COL4A3: variants seen among roughly 807,000 people sequenced by gnomAD.
COL4A3 encodes the protein collagen type IV alpha 3 chain.
In COL4A3, 135 loss-of-function variants were observed where a neutral mutation model predicts 217.4. That is an observed-to-expected ratio of 0.62 (90% CI 0.54 to 0.72). COL4A3 has a LOEUF of 0.72. Ranked by LOEUF, COL4A3 falls within the 30% of genes least tolerant of loss-of-function variation. The pLI, the probability that COL4A3 is intolerant of heterozygous loss-of-function variation, is 0.00. For missense variants in COL4A3, 1,868 were observed against 2,119.9 expected, an observed-to-expected ratio of 0.88 and a Z score of 2.33; for synonymous variants, 690 against 736.3, an observed-to-expected ratio of 0.94 and a Z score of 1.02.
chr2:227,303,247 G>A (rs553546980), intron 44 of COL4A3, 137 bp downstream of exon 44: 1 of 719,356 alleles, frequency 1.4e-6, no homozygotes, highest in African/African-American at 1.7e-5. Flanking sequence ...AAGTAGGAAG[G>A]CTCCACTACA....
At chr2:227,234,811 A>G (rs567023460) in intron 1 of COL4A3, among the ~76,000 whole-genome samples, 1 of 152,340 alleles carries the variant, frequency 6.6e-6, no homozygotes, top group Admixed American at 6.5e-5. Context: ...CTCTTACTCC[A>G]AGAAATAAAA....
At chr2:227,231,742 G>C (rs193003460) in intron 1 of COL4A3, among the ~76,000 whole-genome samples, 8 of 152,276 alleles carry the variant, frequency 5.3e-5, no homozygotes, top group East Asian at 1.9e-4. Context: ...ATGTTACCCA[G>C]GCTGGTCTCG....
At chr2:227,260,407 G>A (rs959577819) in intron 19 of COL4A3, among the ~76,000 whole-genome samples, 3 of 152,142 alleles carry the variant, frequency 2.0e-5, no homozygotes, top group Non-Finnish European at 4.4e-5. Context: ...TAATGGCCTC[G>A]TCAAGGTCCC....
chr2:227,165,886 T>A (rs777583519), intron 1 of COL4A3, among the ~76,000 whole-genome samples: 5 of 152,176 alleles, frequency 3.3e-5, no homozygotes, highest in Non-Finnish European at 7.3e-5. Context: ...CTCTCCCCAT[T>A]TCCTTGTCTT....
intron 1 of COL4A3, among the ~76,000 whole-genome samples, chr2:227,223,567 C>T (rs942772465): frequency 2.1e-5 from 2 of 96,660 alleles, no homozygotes; most frequent in East Asian, 2.3e-4. Flanking sequence ...GACGCCCCCC[C>T]AACTCTACTA....
intron 1 of COL4A3, chr2:227,220,999 G>A (rs1241539746): frequency 6.6e-6 from 1 of 152,212 alleles, no homozygotes; most frequent in Non-Finnish European, 1.5e-5. Context: ...CAGAAAAGAA[G>A]TCAGATGCTC....
At position 227,269,883 on chromosome 2, in the gene COL4A3, G is replaced by A. The variant is rs1275424835; in HGVS notation, c.1505-27G>A. On this transcript the variant is annotated intron_variant, in intron 23 of 51. Transcript: ENST00000396578. ...ACTTAGAGTTGGCGTTCAATGAGGA[G>A]TTAGTTAATAATTCGTTGATTTGCA... 4.4e-6 allele frequency: 7 copies of A among 1,603,982 alleles called. No individual in the cohort carries two copies. In the African/African-American group the frequency reaches 5.4e-5, roughly 12 times the overall value.
rs1374057361 is a variant in COL4A3, at chr2:227,279,885, G to A, written c.2218G>A (p.Ala740Thr). ...ACCTGGAAAGCCAGGCCTCCCAGGAGCCAAGGTATGCAAAAATTCAAGCTA... is the reference window on the plus strand; with the variant it reads ...ACCTGGAAAGCCAGGCCTCCCAGGAACCAAGGTATGCAAAAATTCAAGCTA... Reference protein sequence around the residue: ...GLPGKPGLPGAKGEPAVAMPG... With the variant: ...GLPGKPGLPGTKGEPAVAMPG... The change falls in exon 29 of 52, where the codon GCC (alanine) becomes ACC (threonine). Residue 740 changes from alanine (A) to threonine (T), a missense_variant. Physicochemically the swap from Ala to Thr is moderately conservative, Grantham distance 58 (BLOSUM62 0). This residue lies in a region of COL4A3 where 1,503 missense variants were observed against 1,786.1 expected (regional missense o/e 0.84). Transcript: ENST00000396578. 1 of 1,601,688 alleles carries A rather than the reference G, an allele frequency of 6.2e-7. No individual in the cohort carries two copies. The highest frequency in any genetic ancestry group is 8.5e-7 in the Non-Finnish European group (1 of 1,173,496).
chr2:227,176,057 A>G (rs920473717), intron 1 of COL4A3, among the ~76,000 whole-genome samples: 10 of 152,202 alleles, frequency 6.6e-5, no homozygotes, highest in African/African-American at 2.4e-4. Flanking sequence ...ACCAGCACAG[A>G]GAAAGATGAA....
rs754325947 is a variant in COL4A3 at position 227,261,077 on chromosome 2, C to G, written c.1115-5C>G. On this transcript the variant is annotated splice_region_variant and splice_polypyrimidine_tract_variant and intron_variant, in intron 19 of 51. Coordinates refer to ENST00000396578, the MANE Select transcript of COL4A3 (RefSeq NM_000091.5). ...AAGCAATTAATTAATGTTATATATT[C>G]CCAGGTCCCAGTGGTCCCCCCGGAG... 16 of 1,610,072 alleles carry G rather than the reference C, an allele frequency of 9.9e-6. No homozygotes were observed. Among genetic ancestry groups the G allele is most frequent in the Non-Finnish European group, 1.4e-5 (16 of 1,176,332 alleles).
chr2:227,219,980 A>C (rs1376793909), intron 1 of COL4A3, among the ~76,000 whole-genome samples: 2 of 152,012 alleles, frequency 1.3e-5, no homozygotes, highest in Non-Finnish European at 2.9e-5. Flanking sequence ...ATTCTGCCCC[A>C]AGATTTCTTC....
At position 227,287,073 on chromosome 2, in the gene COL4A3, G is replaced by A. The variant is rs375132395; in HGVS notation, c.2882-2077G>A. Among the ~76,000 whole-genome samples, 24 of 152,250 alleles carry A rather than the reference G, an allele frequency of 1.6e-4. No homozygotes were observed. In the East Asian group the frequency reaches 3.5e-3, roughly 22 times the overall value. On this transcript the variant is annotated intron_variant, in intron 34 of 51. Transcript: ENST00000396578. ...TTAGGCTAGGTAGTAAGTATCTTACGCTTTGTGGCTCACATATGGTCCCTG... is the reference window on the plus strand; with the variant it reads ...TTAGGCTAGGTAGTAAGTATCTTACACTTTGTGGCTCACATATGGTCCCTG...
At chr2:227,234,856 A>G (rs2068605125) in intron 1 of COL4A3, among the ~76,000 whole-genome samples, 2 of 152,346 alleles carry the variant, frequency 1.3e-5, no homozygotes, top group Non-Finnish European at 1.5e-5. Context: ...ACCTTCTCAC[A>G]GGTTAGAGAA....
At chr2:227,256,170 A>G (rs1224587934) in intron 16 of COL4A3, 100 bp downstream of exon 16, 1 of 1,316,204 alleles carries the variant, frequency 7.6e-7, no homozygotes, top group African/African-American at 1.5e-5. Flanking sequence ...ACAAACAAAA[A>G]GCTTACAGCT....
intron 1 of COL4A3, among the ~76,000 whole-genome samples, chr2:227,197,288 C>G (rs1209479657): frequency 6.6e-6 from 1 of 152,132 alleles, no homozygotes; most frequent in Non-Finnish European, 1.5e-5. Flanking sequence ...ACAATCTCAG[C>G]TCGCTGCAAC....
At position 227,253,252 on chromosome 2, in the gene COL4A3, A is replaced by C. The variant is rs1414353576; in HGVS notation, c.646-44A>C. ...TTTGATGGGTTTAGACTATTTATTC[A>C]TATTTATTTTTAGAAAATAATTTGG... is the stretch of plus-strand genomic sequence containing the variant. On this transcript the variant is annotated intron_variant, in intron 11 of 51. Coordinates refer to ENST00000396578, the MANE Select transcript of COL4A3 (RefSeq NM_000091.5). The surrounding 1 kb of genome is among the most constrained non-coding windows in gnomAD (Gnocchi z 4.4). 21 of 1,524,560 alleles carry C rather than the reference A, an allele frequency of 1.4e-5. No homozygotes were observed. Among genetic ancestry groups the C allele is most frequent in the Non-Finnish European group, 1.9e-5 (21 of 1,099,082 alleles). The allele number at this position is 1,524,560 out of a possible 1,614,324, so 94.4% of individuals were successfully genotyped here.
intron 41 of COL4A3, among the ~76,000 whole-genome samples, chr2:227,297,292 C>A (rs2073069915): frequency 6.6e-6 from 1 of 152,210 alleles, no homozygotes; most frequent in African/African-American, 2.4e-5. Context: ...CTGATAATAA[C>A]TGGCTTATAT....
At chr2:227,229,023 A>G (rs12612156) in intron 1 of COL4A3, among the ~76,000 whole-genome samples, 8 of 152,140 alleles carry the variant, frequency 5.3e-5, no homozygotes, top group Non-Finnish European at 8.8e-5. Context: ...GACACCTGAG[A>G]CTGCCTAGAC....
chr2:227,173,726 A>T (rs2065575224), intron 1 of COL4A3, among the ~76,000 whole-genome samples: 1 of 152,236 alleles, frequency 6.6e-6, no homozygotes, highest in African/African-American at 2.4e-5. Flanking sequence ...AATATGTTTT[A>T]TTTATACCAA....
Sources: gnomAD v4.1 joint callset for allele counts (sites outside exome capture counted in the v4.1 genomes callset) on GRCh38, gnomAD v4.1.1 for gene constraint, gnomAD v4.1.1 regional missense constraint, Gnocchi (gnomAD v3.1) non-coding constraint, MANE v1.5 for transcripts, NCBI Gene and HGNC (gene_info 2026-07-23, HGNC 2026-07-21) for gene names.